TGFBR3: variants seen among roughly 807,000 people sequenced by gnomAD.
TGFBR3 encodes the protein transforming growth factor beta receptor type 3.
In TGFBR3, 46 loss-of-function variants were observed where a neutral mutation model predicts 87.9. The observed-to-expected ratio is 0.52, with a 90% CI of 0.41 to 0.67. TGFBR3 has a LOEUF of 0.67. Ranked by LOEUF, TGFBR3 falls within the 30% of genes least tolerant of loss-of-function variation. The pLI is 0.00. For synonymous variants in TGFBR3, 381 were observed against 391.6 expected, an observed-to-expected ratio of 0.97 and a Z score of 0.32; for missense variants, 866 against 1,041.9, an observed-to-expected ratio of 0.83 and a Z score of 2.32.
chr1:91,708,045 G>A (rs1320849376), intron 14 of TGFBR3, among the ~76,000 whole-genome samples: 1 of 152,156 alleles, frequency 6.6e-6, no homozygotes, highest in African/African-American at 2.4e-5. Context: ...CACCCCTTAG[G>A]GCACAGCCTT....
At chr1:91,885,643 G>A (rs1044059134) in intron 1 of TGFBR3, among the ~76,000 whole-genome samples, 1 of 152,192 alleles carries the variant, frequency 6.6e-6, no homozygotes, top group East Asian at 1.9e-4. Flanking sequence ...CGGGGGCACT[G>A]CCTGCCCCGT....
rs565936194 is a variant in TGFBR3, at chr1:91,680,471, G to T, written c.*3268C>A. On this transcript the variant is annotated 3_prime_UTR_variant, in exon 17 of 17. Coordinates refer to ENST00000212355, the MANE Select transcript of TGFBR3 (RefSeq NM_003243.5). The stretch of plus-strand genomic sequence containing the variant: ...TGAACAGAGAAAAGAATACAACAGG[G>T]GTGTTCAAACTGGCCACAGGGATTT... The T allele has an allele frequency of 9.5e-5, 43 of 453,906 alleles. No individual in the cohort carries two copies. Among genetic ancestry groups the T allele is most frequent in the South Asian group, 6.5e-4 (42 of 64,464 alleles). 28.1% of individuals were successfully genotyped at this position (453,906 alleles called of 1,614,324 possible). A position where few individuals can be genotyped will look rare whatever the true frequency, so the allele number is the denominator to read the frequency against.
chr1:91,886,450 C>G (rs978356434), upstream of TGFBR3, among the ~76,000 whole-genome samples: 32 of 152,180 alleles, frequency 2.1e-4, no homozygotes, highest in African/African-American at 7.2e-4. Flanking sequence ...TCAGCGTGCC[C>G]GGGTTGGGGC....
chr1:91,864,759 AGTT>A (rs1233432339), intron 1 of TGFBR3, among the ~76,000 whole-genome samples: 1 of 152,236 alleles, frequency 6.6e-6, no homozygotes, highest in Non-Finnish European at 1.5e-5. Context: ...GCTTCCGAAA[AGTT>A]GTAGCTTTGA....
chr1:91,875,843 G>A (rs1374108145), intron 1 of TGFBR3, among the ~76,000 whole-genome samples: 3 of 139,506 alleles, frequency 2.2e-5, no homozygotes, highest in Non-Finnish European at 3.1e-5. Flanking sequence ...CCCAGGAGGC[G>A]GAGACTGCAG....
At chr1:91,837,319 C>G (rs1677101149) in intron 2 of TGFBR3, among the ~76,000 whole-genome samples, 1 of 152,072 alleles carries the variant, frequency 6.6e-6, no homozygotes, top group South Asian at 2.1e-4. Flanking sequence ...GATCTCGGCT[C>G]ACTGCAGCCT....
intron 1 of TGFBR3, chr1:91,861,856 G>A: frequency 5.2e-6 from 1 of 193,616 alleles, no homozygotes; most frequent in Non-Finnish European, 9.4e-6. Context: ...TTTGTTATTG[G>A]CTTTTTTTTT....
intron 4 of TGFBR3, among the ~76,000 whole-genome samples, chr1:91,745,377 C>G (rs1032442118): frequency 2.6e-5 from 4 of 152,202 alleles, no homozygotes; most frequent in Admixed American, 2.6e-4. Flanking sequence ...TCAGAAACAC[C>G]TGCCATGCCA....
At chr1:91,697,862 T>C (rs960118296) in intron 15 of TGFBR3, among the ~76,000 whole-genome samples, 1 of 151,818 alleles carries the variant, frequency 6.6e-6, no homozygotes, top group African/African-American at 2.4e-5. Context: ...GATCAACAAA[T>C]TAATATTTTA....
At chr1:91,880,912 C>T (rs921100426) in intron 1 of TGFBR3, among the ~76,000 whole-genome samples, 1 of 149,440 alleles carries the variant, frequency 6.7e-6, no homozygotes, top group South Asian at 2.1e-4. Context: ...TGAGATTTTA[C>T]ATATATTTAC....
intron 3 of TGFBR3, among the ~76,000 whole-genome samples, chr1:91,760,896 A>G (rs1673938528): frequency 6.6e-6 from 1 of 152,180 alleles, no homozygotes; most frequent in Non-Finnish European, 1.5e-5. Context: ...ACACACACAC[A>G]CTATGGAGAA....
chr1:91,855,792 C>T (rs138624403), intron 2 of TGFBR3, among the ~76,000 whole-genome samples: 36 of 152,262 alleles, frequency 2.4e-4, no homozygotes, highest in African/African-American at 8.4e-4. Flanking sequence ...AAACTTCCCA[C>T]TTTTCTTACA....
chr1:91,843,175 C>A (rs1677354162), intron 2 of TGFBR3, among the ~76,000 whole-genome samples: 1 of 152,112 alleles, frequency 6.6e-6, no homozygotes, highest in African/African-American at 2.4e-5. Context: ...TGTGTACCCC[C>A]CTAAAATTTG....
At chr1:91,758,054 C>A (rs958789245) in intron 4 of TGFBR3, among the ~76,000 whole-genome samples, 2 of 152,136 alleles carry the variant, frequency 1.3e-5, no homozygotes, top group South Asian at 4.1e-4. Flanking sequence ...CTGGCAAACT[C>A]AAAGGGACAT....
intron 1 of TGFBR3, among the ~76,000 whole-genome samples, chr1:91,874,905 C>T (rs1232092217): frequency 2.0e-5 from 3 of 152,186 alleles, no homozygotes; most frequent in Non-Finnish European, 4.4e-5. Flanking sequence ...ACACTGCTCT[C>T]TGGTTGTTCT....
chr1:91,741,695 G>C (rs561222543), intron 4 of TGFBR3, among the ~76,000 whole-genome samples: 13 of 152,202 alleles, frequency 8.5e-5, no homozygotes, highest in African/African-American at 3.1e-4. Flanking sequence ...AGATGATGAG[G>C]GTTGGAGGAG....
At position 91,762,949 on chromosome 1, in the gene TGFBR3, G is replaced by A. The variant is rs538357101; in HGVS notation, c.247-4199C>T. Among the ~76,000 whole-genome samples the A allele has an allele frequency of 8.1e-4, 123 of 152,274 alleles. 2 individuals carry two copies. The highest frequency in any genetic ancestry group is 1.2e-4 in the Non-Finnish European group (8 of 68,024). On this transcript the variant is annotated intron_variant, in intron 3 of 16. Coordinates refer to ENST00000212355, the MANE Select transcript of TGFBR3 (RefSeq NM_003243.5). ...AACACTACCTCCCTATCTCTCACTT[G>A]GGAAGAACGTCTTTGCTCACATTAT... is the stretch of plus-strand genomic sequence containing the variant.
chr1:91,816,197 A>G (rs1170064970), intron 2 of TGFBR3, among the ~76,000 whole-genome samples: 1 of 152,194 alleles, frequency 6.6e-6, no homozygotes, highest in Non-Finnish European at 1.5e-5. Flanking sequence ...AAACTACAAC[A>G]GATTGGTCAC....
rs185449796 is a variant in TGFBR3, at chr1:91,859,471, A to C, written c.61+2000T>G. Reference sequence around the variant, plus strand: ...TTCTACTACTTTTCGATGAGATTTTAAGTCAATTCCATTTTAATACACAGG... The same window carrying C: ...TTCTACTACTTTTCGATGAGATTTTCAGTCAATTCCATTTTAATACACAGG... On this transcript the variant is annotated intron_variant, in intron 2 of 16. Coordinates refer to ENST00000212355, the MANE Select transcript of TGFBR3 (RefSeq NM_003243.5). 7.4e-4 allele frequency among the ~76,000 whole-genome samples: 112 copies of C among 152,018 alleles called. 1 individual carries two copies. The highest frequency in any genetic ancestry group is 2.6e-3 in the African/African-American group (108 of 41,444).
Sources: gnomAD v4.1 joint callset for allele counts (sites outside exome capture counted in the v4.1 genomes callset) on GRCh38, gnomAD v4.1.1 for gene constraint, MANE v1.5 for transcripts, NCBI Gene and HGNC (gene_info 2026-07-23, HGNC 2026-07-21) for gene names.